Variants in HECW1 observed in about 807,000 individuals in gnomAD.
The protein encoded by HECW1 is HECT, C2 and WW domain containing E3 ubiquitin protein ligase 1.
Under a neutral mutation model 182.3 loss-of-function variants are expected in HECW1, and 61 were observed. The observed-to-expected ratio is 0.33, with a 90% CI of 0.27 to 0.41. The LOEUF (loss-of-function observed/expected upper bound fraction) is 0.41. Among genes scored for constraint, HECW1 ranks in the 10% least tolerant of loss-of-function variants. The probability of loss-of-function intolerance (pLI) is 1.00; values close to 1 mark genes in which losing one functional copy is unlikely to be tolerated. For missense variants in HECW1, 1,739 were observed against 2,108.9 expected, an observed-to-expected ratio of 0.82 and a Z score of 3.44; for synonymous variants, 859 against 832.6, an observed-to-expected ratio of 1.03 and a Z score of -0.55.
At chr7:43,202,606 T>C (rs1795108205) in intron 2 of HECW1, among the ~76,000 whole-genome samples, 1 of 151,938 alleles carries the variant, frequency 6.6e-6, no homozygotes, top group African/African-American at 2.4e-5. Flanking sequence ...CCTGAGGAGC[T>C]GGGGTTACAG....
intron 5 of HECW1, among the ~76,000 whole-genome samples, chr7:43,351,156 C>T (rs1304241438): frequency 3.9e-5 from 6 of 152,152 alleles, no homozygotes; most frequent in African/African-American, 1.2e-4. Context: ...AGCCACCCAG[C>T]GAGTCTACCT....
In HECW1 at chr7:43,312,874, G is replaced by T. The variant is rs918430499; in HGVS notation, c.352+787G>T. Among the ~76,000 whole-genome samples the T allele has an allele frequency of 4.6e-5, 7 of 152,282 alleles. No homozygotes were observed. In the East Asian group the frequency reaches 1.3e-3, roughly 29 times the overall value. On this transcript the variant is annotated intron_variant, in intron 4 of 29. Transcript: ENST00000395891. ...AAATTGATGTGTTTACCCAAAAGTCGAGTTATAATTGCTGGAAGGCCACAA... is the reference window on the plus strand; with the variant it reads ...AAATTGATGTGTTTACCCAAAAGTCTAGTTATAATTGCTGGAAGGCCACAA...
intron 2 of HECW1, among the ~76,000 whole-genome samples, chr7:43,169,680 TTTTTC>T (rs1562625476): frequency 3.4e-5 from 5 of 145,972 alleles, no homozygotes; most frequent in Admixed American, 2.1e-4. Flanking sequence ...TTTGTATCTT[TTTTTC>T]TTTTCTTTTT....
chr7:43,305,098 T>A (rs1192468823), intron 3 of HECW1, among the ~76,000 whole-genome samples: 2 of 152,158 alleles, frequency 1.3e-5, no homozygotes, highest in Admixed American at 6.5e-5. Context: ...GACTTTGGAA[T>A]GTGGTCGGAA....
chr7:43,431,821 C>T (rs1403357953), intron 8 of HECW1, among the ~76,000 whole-genome samples: 1 of 152,084 alleles, frequency 6.6e-6, no homozygotes, highest in East Asian at 1.9e-4. Context: ...AGCCCCTGCC[C>T]ATGGCACCCC....
At chr7:43,346,192 C>G (rs1379522512) in intron 5 of HECW1, among the ~76,000 whole-genome samples, 2 of 152,094 alleles carry the variant, frequency 1.3e-5, no homozygotes, top group Non-Finnish European at 2.9e-5. Context: ...GCCATTCTTG[C>G]AGGAGTAAGG....
intron 2 of HECW1, among the ~76,000 whole-genome samples, chr7:43,208,397 A>G (rs1358070042): frequency 6.6e-6 from 1 of 152,214 alleles, no homozygotes; most frequent in Non-Finnish European, 1.5e-5. Flanking sequence ...ATGAAAGGTG[A>G]CATTCTTATT....
intron 19 of HECW1, among the ~76,000 whole-genome samples, chr7:43,499,664 C>T (rs2079261883): frequency 6.6e-6 from 1 of 151,948 alleles, no homozygotes; most frequent in Non-Finnish European, 1.5e-5. Context: ...AAAAAAACAT[C>T]CTTAATTTTC....
At chr7:43,409,081 T>C (rs1320040082) in intron 8 of HECW1, among the ~76,000 whole-genome samples, 1 of 152,186 alleles carries the variant, frequency 6.6e-6, no homozygotes, top group Non-Finnish European at 1.5e-5. Flanking sequence ...TAATTAGACA[T>C]ATGAGAGCAA....
chr7:43,371,293 G>T (rs1330930735), intron 6 of HECW1, among the ~76,000 whole-genome samples: 2 of 152,164 alleles, frequency 1.3e-5, no homozygotes, highest in Non-Finnish European at 2.9e-5. Flanking sequence ...TGGGAAGTAT[G>T]CACTTTGGGT....
intron 24 of HECW1, among the ~76,000 whole-genome samples, chr7:43,515,477 G>T (rs1305647555): frequency 6.6e-6 from 1 of 152,146 alleles, no homozygotes; most frequent in East Asian, 1.9e-4. Flanking sequence ...CAGTAGAAAT[G>T]GAAAGATTTT....
chr7:43,396,297 T>C (rs2075228700), intron 6 of HECW1, among the ~76,000 whole-genome samples: 1 of 152,210 alleles, frequency 6.6e-6, no homozygotes, highest in South Asian at 2.1e-4. Flanking sequence ...AGGCAATTGA[T>C]TAATTAAGAG....
intron 2 of HECW1, among the ~76,000 whole-genome samples, chr7:43,167,015 T>C (rs1372942236): frequency 6.6e-6 from 1 of 152,242 alleles, no homozygotes; most frequent in Non-Finnish European, 1.5e-5. Flanking sequence ...CAGAGTGGGA[T>C]GTTTCCAAAA....
chr7:43,294,109 G>T (rs1454343653), intron 3 of HECW1, among the ~76,000 whole-genome samples: 1 of 152,164 alleles, frequency 6.6e-6, no homozygotes, highest in Non-Finnish European at 1.5e-5. Context: ...TTTGGGGACC[G>T]CTGCTGCAGG....
intron 7 of HECW1, among the ~76,000 whole-genome samples, chr7:43,401,428 T>TAATA (rs1218153864): frequency 3.9e-5 from 6 of 152,238 alleles, no homozygotes; most frequent in Admixed American, 2.6e-4. Flanking sequence ...CAGAACAAAC[T>TAATA]GAACAGAAAC....
In HECW1 at chr7:43,564,919, AT is replaced by A. The variant is rs1400937121; in HGVS notation, c.*2995del. On this transcript the variant is annotated 3_prime_UTR_variant, in exon 30 of 30. Transcript: ENST00000395891. ...GCATGAGTTTTCTCCATGGAGGCAA[AT>A]TGCAAAATTAATCACTTATAAATTT... The A allele has an allele frequency of 5.4e-6, 1 of 185,418 alleles. No homozygotes were observed. Among genetic ancestry groups the A allele is most frequent in the Admixed American group, 6.2e-5 (1 of 16,030 alleles). 11.5% of individuals were successfully genotyped at this position (185,418 alleles called of 1,614,324 possible).
chr7:43,375,331 G>A (rs537967254), intron 6 of HECW1, among the ~76,000 whole-genome samples: 12 of 152,288 alleles, frequency 7.9e-5, no homozygotes, highest in African/African-American at 2.4e-4. Context: ...CCAGTTGTCA[G>A]TGATATGTGA....
chr7:43,450,590 A>G lies in HECW1; in HGVS notation c.2399-238A>G, dbSNP rs75314626. ...TTACAGAATCAGACTCAAATCCTAC[A>G]TATTGGACTGTGTGGCGCAGATCAT... On this transcript the variant is annotated intron_variant, in intron 11 of 29. Coordinates refer to ENST00000395891, the MANE Select transcript of HECW1 (RefSeq NM_015052.5). Among the ~76,000 whole-genome samples the G allele has an allele frequency of 2.1e-3, 315 of 152,220 alleles. 4 individuals are homozygous for G. The highest frequency in any genetic ancestry group is 0.014 in the East Asian group (70 of 5,180).
rs899917112 is a variant in HECW1 at position 43,283,618 on chromosome 7, T to A, written c.28-28145T>A. On this transcript the variant is annotated intron_variant, in intron 3 of 29. Coordinates refer to ENST00000395891, the MANE Select transcript of HECW1 (RefSeq NM_015052.5). ...AAGTTCTTTAGCATCCTCAATAATA[T>A]TCAAGATTGTTGGTCAGTCCTGAAA... 5.9e-5 allele frequency among the ~76,000 whole-genome samples: 9 copies of A among 152,318 alleles called. No homozygotes were observed. In the South Asian group the frequency reaches 1.9e-3, roughly 32 times the overall value.
Sources: gnomAD v4.1 joint callset for allele counts (sites outside exome capture counted in the v4.1 genomes callset) on GRCh38, gnomAD v4.1.1 for gene constraint, MANE v1.5 for transcripts, NCBI Gene and HGNC (gene_info 2026-07-23, HGNC 2026-07-21) for gene names.